FKBP6: variants seen among roughly 807,000 people sequenced by gnomAD.
FKBP6 encodes inactive peptidyl-prolyl cis-trans isomerase FKBP6.
Under a neutral mutation model 41.7 loss-of-function variants are expected in FKBP6, and 29 were observed. The ratio of observed to expected loss-of-function variants is 0.70; its 90% CI spans 0.52 to 0.95. The LOEUF (loss-of-function observed/expected upper bound fraction) is 0.95. FKBP6 is among the 40% of genes least tolerant of loss of function. The pLI is 0.00. For missense variants in FKBP6, 338 were observed against 408.7 expected (o/e 0.83, Z 1.49); for synonymous variants, 130 against 165.1 (o/e 0.79, Z 1.63).
intron 2 of FKBP6, among the ~76,000 whole-genome samples, chr7:73,328,952 C>T (rs1804733730): frequency 6.6e-6 from 1 of 151,934 alleles, no homozygotes; most frequent in Non-Finnish European, 1.5e-5. Flanking sequence ...TTTACAGGCG[C>T]GATCCACCAT....
chr7:73,341,233 C>A (rs782572400), intron 6 of FKBP6, 40 bp from the exon 7 acceptor site: 4 of 1,399,184 alleles, frequency 2.9e-6, no homozygotes, highest in East Asian at 2.3e-5. Flanking sequence ...CAAATGATAT[C>A]TTTTCTAACT....
chr7:73,343,140 CTATTTATT>C (rs201357426), intron 8 of FKBP6, among the ~76,000 whole-genome samples: 1 of 152,018 alleles, frequency 6.6e-6, no homozygotes, highest in African/African-American at 2.4e-5. Flanking sequence ...GGGCCTTGAG[CTATTTATT>C]TATTTATTTG....
At chr7:73,340,538 C>A in intron 5 of FKBP6, 100 bp from the exon 6 acceptor site, 1 of 947,974 alleles carries the variant, frequency 1.1e-6, no homozygotes, top group Non-Finnish European at 1.7e-6. Context: ...CAACCTGTAA[C>A]AGCCGATTTT....
At chr7:73,357,116 G>A (rs374333089) in intron 8 of FKBP6, among the ~76,000 whole-genome samples, 2 of 152,058 alleles carry the variant, frequency 1.3e-5, no homozygotes, top group Admixed American at 6.6e-5. Flanking sequence ...CTGATGGTGC[G>A]GTGCATGCTT....
At chr7:73,336,490 C>T (rs564561256) in intron 5 of FKBP6, among the ~76,000 whole-genome samples, 2 of 152,142 alleles carry the variant, frequency 1.3e-5, no homozygotes, top group Admixed American at 6.5e-5. Flanking sequence ...AAGTCATATT[C>T]GGGGAAGAGG....
At chr7:73,349,178 GGC>G (rs1805415493) in intron 8 of FKBP6, among the ~76,000 whole-genome samples, 1 of 152,122 alleles carries the variant, frequency 6.6e-6, no homozygotes, top group African/African-American at 2.4e-5. Flanking sequence ...GGGAGGCTGA[GGC>G]AGGTAGATCA....
intron 8 of FKBP6, among the ~76,000 whole-genome samples, chr7:73,348,679 C>T (rs1805402531): frequency 6.6e-6 from 1 of 152,236 alleles, no homozygotes; most frequent in African/African-American, 2.4e-5. Context: ...CAGGTTGTCC[C>T]TGTGCTTCTT....
chr7:73,333,035 G>T (rs1222607459), intron 5 of FKBP6, among the ~76,000 whole-genome samples: 1 of 152,186 alleles, frequency 6.6e-6, no homozygotes, highest in Non-Finnish European at 1.5e-5. Context: ...ACTTTGGGAG[G>T]CTGAGGCGAG....
intron 5 of FKBP6, among the ~76,000 whole-genome samples, chr7:73,334,721 G>A (rs905280598): frequency 6.6e-6 from 1 of 152,098 alleles, no homozygotes; most frequent in East Asian, 1.9e-4. Flanking sequence ...TTAGACTGTC[G>A]ATTATAATTT....
At chr7:73,334,496 C>T (rs2883082) in intron 5 of FKBP6, among the ~76,000 whole-genome samples, 32,592 of 148,744 alleles carry the variant, frequency 0.22, 4,025 homozygotes, top group African/African-American at 0.34. Context: ...TCATTTAAAA[C>T]TGGGGGGCCA....
At chr7:73,357,089 C>G (rs1281130179) in intron 8 of FKBP6, among the ~76,000 whole-genome samples, 1 of 151,918 alleles carries the variant, frequency 6.6e-6, no homozygotes, top group Admixed American at 6.6e-5. Flanking sequence ...GCCCTCCTCT[C>G]ATGTCTTATT....
At chr7:73,335,963 A>G (rs1804995213) in intron 5 of FKBP6, among the ~76,000 whole-genome samples, 1 of 152,158 alleles carries the variant, frequency 6.6e-6, no homozygotes, top group African/African-American at 2.4e-5. Context: ...GCGGACTGAC[A>G]TTGTCAGCAC....
At position 73,331,640 on chromosome 7, in the gene FKBP6, C is replaced by T; in HGVS notation, c.469-17C>T. On this transcript the variant is annotated splice_polypyrimidine_tract_variant and intron_variant, in intron 4 of 8. Coordinates refer to ENST00000252037, the MANE Select transcript of FKBP6 (RefSeq NM_003602.5). ...CTTTTGGTTTCCTTGCTGAATATTC[C>T]TGTCTCTGGTCCTCAGGAGCAGCAA... 1 of 1,613,740 alleles carries T rather than the reference C, an allele frequency of 6.2e-7. No individual in the cohort carries two copies. The highest frequency in any genetic ancestry group is 1.1e-5 in the South Asian group (1 of 91,068).
chr7:73,351,312 G>C (rs1482374372), intron 8 of FKBP6, among the ~76,000 whole-genome samples: 1 of 152,026 alleles, frequency 6.6e-6, no homozygotes, highest in African/African-American at 2.4e-5. Flanking sequence ...TTACAGGCGT[G>C]AGCCACCGCA....
intron 5 of FKBP6, among the ~76,000 whole-genome samples, chr7:73,337,375 G>A (rs1407858744): frequency 4.8e-5 from 7 of 144,942 alleles, no homozygotes; most frequent in African/African-American, 1.5e-4. Flanking sequence ...GTGTACTGGC[G>A]CCATCTCGGC....
At chr7:73,334,070 C>A (rs1156906001) in intron 5 of FKBP6, among the ~76,000 whole-genome samples, 1 of 151,526 alleles carries the variant, frequency 6.6e-6, no homozygotes, top group African/African-American at 2.4e-5. Context: ...GAAACTCCAT[C>A]TCAAAAAAAA....
At chr7:73,355,155 G>A (rs1310765631) in intron 8 of FKBP6, among the ~76,000 whole-genome samples, 1 of 152,224 alleles carries the variant, frequency 6.6e-6, no homozygotes, top group Non-Finnish European at 1.5e-5. Context: ...CCGAGGCCTG[G>A]GGCCCACCCG....
chr7:73,335,489 G>A (rs1371695997), intron 5 of FKBP6, among the ~76,000 whole-genome samples: 6 of 152,122 alleles, frequency 3.9e-5, no homozygotes, highest in South Asian at 2.1e-4. Context: ...TTTCATAGCC[G>A]CGTTACCAGT....
intron 5 of FKBP6, among the ~76,000 whole-genome samples, chr7:73,337,484 T>G (rs1218177995): frequency 3.3e-5 from 5 of 151,884 alleles, no homozygotes; most frequent in Non-Finnish European, 7.4e-5. Flanking sequence ...CCAGCTCATT[T>G]TTTGTATTTT....
Sources: allele counts gnomAD v4.1 joint callset (sites outside exome capture counted in the v4.1 genomes callset), GRCh38; gene constraint gnomAD v4.1.1; transcripts MANE v1.5; gene names NCBI Gene and HGNC (gene_info 2026-07-23, HGNC 2026-07-21).